TNS1: variants seen among roughly 807,000 people sequenced by gnomAD.
TNS1 encodes tensin 1.
TNS1 carries 62 observed loss-of-function variants against 168.6 expected under a neutral mutation model. The observed-to-expected ratio is 0.37, with a 90% confidence interval of 0.30 to 0.45. The LOEUF (loss-of-function observed/expected upper bound fraction) is 0.45. TNS1 is among the 20% of genes least tolerant of loss of function. The probability of loss-of-function intolerance (pLI) is 1.00; values close to 1 mark genes in which losing one functional copy is unlikely to be tolerated. For synonymous variants in TNS1, 934 were observed against 933.2 expected, an observed-to-expected ratio of 1.00 and a Z score of -0.02; for missense variants, 2,240 against 2,339.4, an observed-to-expected ratio of 0.96 and a Z score of 0.88.
At chr2:218,030,673 G>A (rs552581103) in intron 1 of TNS1, among the ~76,000 whole-genome samples, 25 of 152,362 alleles carry the variant, frequency 1.6e-4, no homozygotes, top group African/African-American at 5.5e-4. Context: ...CAGGACTCCT[G>A]GGATGTGGTC....
At chr2:217,914,722 G>C (rs1954813237) in intron 4 of TNS1, among the ~76,000 whole-genome samples, 1 of 152,146 alleles carries the variant, frequency 6.6e-6, no homozygotes, top group South Asian at 2.1e-4. Flanking sequence ...TTGACCTTGT[G>C]ATCCACCCGC....
chr2:217,978,993 G>A, intron 2 of TNS1, 191 bp from the exon 3 acceptor site: 1 of 594,992 alleles, frequency 1.7e-6, no homozygotes, highest in Non-Finnish European at 3.1e-6. Flanking sequence ...CGGGGCGGGA[G>A]TGCCCGGGAC....
intron 3 of TNS1, among the ~76,000 whole-genome samples, chr2:217,945,883 C>T (rs150661349): frequency 3.9e-5 from 6 of 152,210 alleles, no homozygotes; most frequent in East Asian, 3.9e-4. Flanking sequence ...TAGGGGATCC[C>T]GGGTCAGTTT....
At chr2:217,987,194 T>G (rs553268490) in intron 2 of TNS1, 23 of 152,378 alleles carry the variant, frequency 1.5e-4, no homozygotes, top group African/African-American at 5.3e-4. Context: ...CATCTGTCTC[T>G]GCATCTTTCA....
In TNS1 at chr2:217,818,084, G is replaced by A. The variant is rs532979032; in HGVS notation, c.4248C>T (p.Pro1416=). The change falls in exon 24 of 33, where the codon CCC becomes CCT. Residue 1416 remains proline, a synonymous_variant. Transcript: ENST00000682258. Reference sequence around the variant, plus strand: ...CATGCCGGTCCAAGCAGGGGCTGCCGGGAACCACAGATCCAGACCCTCCGA... The same window carrying A: ...CATGCCGGTCCAAGCAGGGGCTGCCAGGAACCACAGATCCAGACCCTCCGA... ...RHLGGSGSVV[P]GSPCLDRHVA... is the part of the protein sequence containing the mutation. The A allele has an allele frequency of 4.5e-5, 73 of 1,613,160 alleles. No homozygotes were observed. The East Asian group carries it at 5.8e-4, about 13-fold the overall frequency.
intron 8 of TNS1, among the ~76,000 whole-genome samples, chr2:217,895,710 G>A (rs1248344717): frequency 6.6e-6 from 1 of 152,134 alleles, no homozygotes; most frequent in Non-Finnish European, 1.5e-5. Flanking sequence ...TGACCACTGG[G>A]GTCCCATTCC....
intron 19 of TNS1, chr2:217,841,907 G>T: frequency 1.7e-6 from 1 of 587,228 alleles, no homozygotes; most frequent in South Asian, 2.1e-5. Flanking sequence ...TCCTTAAGAT[G>T]AACCTTCTCA....
At chr2:217,871,423 T>C (rs1247187136) in intron 18 of TNS1, among the ~76,000 whole-genome samples, 1 of 152,168 alleles carries the variant, frequency 6.6e-6, no homozygotes, top group Non-Finnish European at 1.5e-5. Context: ...CACCCACATG[T>C]AGAAACTCAC....
intron 12 of TNS1, chr2:217,890,597 A>C (rs1951644654): frequency 4.3e-6 from 1 of 234,024 alleles, no homozygotes; most frequent in African/African-American, 2.3e-5. Flanking sequence ...GCAGTGATGC[A>C]GTCTCCCGTA....
intron 3 of TNS1, chr2:217,943,758 A>G (rs1043720320): frequency 2.6e-5 from 4 of 152,548 alleles, no homozygotes; most frequent in African/African-American, 9.6e-5. Flanking sequence ...CAGCATCAGT[A>G]TCAACAGCCC....
chr2:217,848,207 C>T lies in TNS1; in HGVS notation c.2310G>A (p.Arg770=). 1 of 1,598,382 alleles carries T rather than the reference C, an allele frequency of 6.3e-7. No homozygotes were observed. The highest frequency in any genetic ancestry group is 8.5e-7 in the Non-Finnish European group (1 of 1,172,440). The change falls in exon 19 of 33, where the codon AGG becomes AGA. Residue 770 remains arginine, a synonymous_variant. Transcript: ENST00000682258. The stretch of plus-strand genomic sequence containing the variant: ...GCTGCTGCTGCCACGAATTCAGTCC[C>T]CTTTGCACAGCCTCCCGGCTGCTTC... ...RGGSSREAVQ[R]GLNSWQQQQQ... is the part of the protein sequence containing the mutation.
intron 1 of TNS1, among the ~76,000 whole-genome samples, chr2:218,022,875 G>A (rs1958817845): frequency 6.6e-6 from 1 of 152,118 alleles, no homozygotes; most frequent in Admixed American, 6.5e-5. Context: ...CTGGTGAGGG[G>A]GCAGTCAGAA....
chr2:218,017,957 G>C (rs1958776627), intron 1 of TNS1, among the ~76,000 whole-genome samples: 1 of 152,222 alleles, frequency 6.6e-6, no homozygotes, highest in South Asian at 2.1e-4. Flanking sequence ...ATGAACGCCT[G>C]AGGGAGAGGA....
At position 217,831,328 on chromosome 2, in the gene TNS1, A is replaced by G; in HGVS notation, c.3373+127T>C. ...ACCCCTACACAGAGAGCCCCAACCC[A>G]GGCCTGACCTCAGTGTGGGCACAAA... On this transcript the variant is annotated intron_variant, in intron 22 of 32. Coordinates refer to ENST00000682258, the MANE Select transcript of TNS1 (RefSeq NM_001387777.1). 3 of 750,640 alleles carry G rather than the reference A, an allele frequency of 4.0e-6. No homozygotes were observed. In the South Asian group the frequency reaches 5.9e-5, roughly 15 times the overall value. 46.5% of individuals were successfully genotyped at this position (750,640 alleles called of 1,614,324 possible). A position where few individuals can be genotyped will look rare whatever the true frequency, so the allele number is the denominator to read the frequency against.
chr2:217,818,616 G>A lies in TNS1; in HGVS notation c.3716C>T (p.Ser1239Phe). ...PSAQRNYQSS[S>F]PLPTVGSSYS... Reference sequence around the variant, plus strand: ...GCTACTGCCCACAGTCGGGAGAGGAGAAGAGCTCTGGTAGTTTCTCTGGGC... The same window carrying A: ...GCTACTGCCCACAGTCGGGAGAGGAAAAGAGCTCTGGTAGTTTCTCTGGGC... Residue 1239 changes from serine (S) to phenylalanine (F), a missense_variant, in exon 24 of 33, where the codon TCT becomes TTT. Ser to Phe is a radical substitution (Grantham distance 155). Coordinates refer to ENST00000682258, the MANE Select transcript of TNS1 (RefSeq NM_001387777.1). The A allele has an allele frequency of 6.2e-7, 1 of 1,614,216 alleles. No individual in the cohort carries two copies. Among genetic ancestry groups the A allele is most frequent in the South Asian group, 1.1e-5 (1 of 91,086 alleles).
intron 1 of TNS1, among the ~76,000 whole-genome samples, chr2:218,002,028 G>T (rs746343572): frequency 3.3e-5 from 5 of 152,166 alleles, no homozygotes; most frequent in Admixed American, 6.5e-5. Context: ...CCCCTCTGAG[G>T]AAGGGGTCCT....
chr2:217,988,684 C>T (rs1958266073), intron 2 of TNS1, among the ~76,000 whole-genome samples: 1 of 152,224 alleles, frequency 6.6e-6, no homozygotes, highest in Non-Finnish European at 1.5e-5. Context: ...CCCAGCCAGA[C>T]CTCTTGGGAG....
intron 23 of TNS1, among the ~76,000 whole-genome samples, 176 bp downstream of exon 23, chr2:217,821,564 C>T (rs1942849443): frequency 6.6e-6 from 1 of 152,180 alleles, no homozygotes; most frequent in African/African-American, 2.4e-5. Context: ...CAGGATTCAG[C>T]GCGCAGGACA....
At position 217,818,660 on chromosome 2, in the gene TNS1, C is replaced by T. The variant is rs1332004169; in HGVS notation, c.3672G>A (p.Leu1224=). The change falls in exon 24 of 33, where the codon CTG becomes CTA. Residue 1224 remains leucine, a synonymous_variant. Transcript: ENST00000682258. ...LLESGFRSGS[L]GQPSPSAQRN... is the part of the protein sequence containing the mutation. ...TCTGGGCAGACGGGCTGGGCTGTCCCAGGCTGCCTGAGCGGAAGCCAGACT... is the reference window on the plus strand; with the variant it reads ...TCTGGGCAGACGGGCTGGGCTGTCCTAGGCTGCCTGAGCGGAAGCCAGACT... 6.2e-7 allele frequency: 1 copy of T among 1,614,222 alleles called. No homozygotes were observed. Among genetic ancestry groups the T allele is most frequent in the Admixed American group, 1.7e-5 (1 of 60,032 alleles).
Sources: gnomAD v4.1 joint callset for allele counts (sites outside exome capture counted in the v4.1 genomes callset) on GRCh38, gnomAD v4.1.1 for gene constraint, MANE v1.5 for transcripts, NCBI Gene and HGNC (gene_info 2026-07-23, HGNC 2026-07-21) for gene names.